Variants in LAMA4 observed in about 807,000 individuals in gnomAD.
LAMA4 encodes the protein laminin subunit alpha-4.
LAMA4 carries 127 observed loss-of-function variants against 207.1 expected under a neutral mutation model. The ratio of observed to expected loss-of-function variants is 0.61; its 90% confidence interval spans 0.53 to 0.71. The LOEUF (loss-of-function observed/expected upper bound fraction) is 0.71. Ranked by LOEUF, LAMA4 falls within the 30% of genes least tolerant of loss-of-function variation. The pLI, the probability that LAMA4 is intolerant of heterozygous loss-of-function variation, is 0.00. For missense variants in LAMA4, 2,093 were observed against 2,246.5 expected (o/e 0.93, Z 1.38); for synonymous variants, 761 against 816.0 (o/e 0.93, Z 1.15).
At chr6:112,134,421 CCAGTA>C in intron 26 of LAMA4, 41 bp downstream of exon 26, 2 of 1,605,266 alleles carry the variant, frequency 1.2e-6, no homozygotes, top group Non-Finnish European at 1.7e-6. Context: ...TGTTGCCAGC[CCAGTA>C]CATTGCTAGG....
intron 2 of LAMA4, among the ~76,000 whole-genome samples, chr6:112,242,745 T>A (rs1195235557): frequency 2.6e-5 from 4 of 152,218 alleles, no homozygotes; most frequent in Non-Finnish European, 5.9e-5. Context: ...TTCGAGACAG[T>A]TCCTTGAACA....
intron 26 of LAMA4, 34 bp from the exon 27 acceptor site, chr6:112,133,521 A>G (rs371957546): frequency 2.0e-5 from 32 of 1,611,888 alleles, no homozygotes; most frequent in Admixed American, 3.3e-5. Context: ...TGATACAGCC[A>G]TGATGATGAT....
At chr6:112,135,634 G>A (rs557936772) in intron 25 of LAMA4, among the ~76,000 whole-genome samples, 21 of 152,294 alleles carry the variant, frequency 1.4e-4, no homozygotes, top group African/African-American at 3.4e-4. Context: ...CAAAACTAAA[G>A]GGGATTCTTT....
chr6:112,134,611 T>C lies in LAMA4; in HGVS notation c.3415-2A>G. On this transcript the variant is annotated splice_acceptor_variant, in intron 25 of 38. Coordinates refer to ENST00000230538, the MANE Select transcript of LAMA4 (RefSeq NM_001105206.3). LOFTEE classifies it high-confidence loss of function. Reference sequence around the variant, plus strand: ...ATCATTGTGGTAAATGATTGAGATCTGGGAGAGATAATATATAGTAAGCCT... The same window carrying C: ...ATCATTGTGGTAAATGATTGAGATCCGGGAGAGATAATATATAGTAAGCCT... The C allele has an allele frequency of 6.2e-7, 1 of 1,602,664 alleles. No homozygotes were observed. The highest frequency in any genetic ancestry group is 8.5e-7 in the Non-Finnish European group (1 of 1,171,396).
chr6:112,187,425 T>A, intron 8 of LAMA4, 25 bp downstream of exon 8: 1 of 1,613,430 alleles, frequency 6.2e-7, no homozygotes, highest in Non-Finnish European at 8.5e-7. Flanking sequence ...GAAAACAGAG[T>A]GGAAAGTAGA....
intron 16 of LAMA4, chr6:112,154,618 G>A: frequency 1.8e-6 from 1 of 560,508 alleles, no homozygotes; most frequent in South Asian, 2.2e-5. Context: ...CACAGTATGT[G>A]AGATAGCTAT....
At position 112,120,392 on chromosome 6, in the gene LAMA4, A is replaced by G; in HGVS notation, c.4556T>C (p.Phe1519Ser). 6.2e-7 allele frequency: 1 copy of G among 1,614,032 alleles called. No homozygotes were observed. Among genetic ancestry groups the G allele is most frequent in the South Asian group, 1.1e-5 (1 of 91,082 alleles). The change falls in exon 33 of 39, where the codon TTC becomes TCC. Residue 1519 changes from phenylalanine to serine, a missense_variant. This residue lies in a region of LAMA4 where 383 missense variants were observed against 437.8 expected (regional missense o/e 0.87). Transcript: ENST00000230538. ...FYVSDQEENDFMTLFLAHGRL... is the reference protein window; with the variant it reads ...FYVSDQEENDSMTLFLAHGRL... ...GCCATGGGCCAAAAATAGAGTCATG[A>G]AGTCATTCTCTTCTTGATCTGAGAC...
rs782785789 is a variant in LAMA4, at chr6:112,254,201, C to T, written c.-51G>A. ...CTTCCAGGGCTCGGGCGCTGTGGGT[C>T]TCCGTAGGTCTCCCGCGTGGTGCGG... is the stretch of plus-strand genomic sequence containing the variant. On this transcript the variant is annotated 5_prime_UTR_variant, in exon 2 of 39. Transcript: ENST00000230538. 7 of 1,608,768 alleles carry T rather than the reference C, an allele frequency of 4.4e-6. No individual in the cohort carries two copies. The African/African-American group carries it at 5.3e-5, about 12-fold the overall frequency.
chr6:112,129,180 G>T, intron 30 of LAMA4, 105 bp from the exon 31 acceptor site: 1 of 521,076 alleles, frequency 1.9e-6, no homozygotes, highest in Admixed American at 3.1e-5. Context: ...ATGTGTGTGT[G>T]TGTGTGCATG....
chr6:112,223,912 G>C (rs1785055716), intron 2 of LAMA4, among the ~76,000 whole-genome samples: 1 of 152,188 alleles, frequency 6.6e-6, no homozygotes, highest in East Asian at 1.9e-4. Context: ...AAAACACAGA[G>C]GCTATTGGGT....
At chr6:112,124,736 G>T (rs1291200693) in intron 31 of LAMA4, among the ~76,000 whole-genome samples, 1 of 150,704 alleles carries the variant, frequency 6.6e-6, no homozygotes, top group African/African-American at 2.4e-5. Flanking sequence ...AGACAGCAAT[G>T]TGTTATAAGG....
At chr6:112,206,472 A>G (rs1002097541) in intron 4 of LAMA4, among the ~76,000 whole-genome samples, 3 of 152,034 alleles carry the variant, frequency 2.0e-5, no homozygotes, top group Non-Finnish European at 4.4e-5. Context: ...CATTATTTCC[A>G]TTAAAATGTA....
chr6:112,125,695 C>T (rs781886246), intron 31 of LAMA4, among the ~76,000 whole-genome samples: 9 of 152,094 alleles, frequency 5.9e-5, no homozygotes, highest in Non-Finnish European at 1.2e-4. Flanking sequence ...TAATTCTGCC[C>T]CTGGGAATCT....
At chr6:112,250,162 G>A (rs1337266978) in intron 2 of LAMA4, among the ~76,000 whole-genome samples, 1 of 152,202 alleles carries the variant, frequency 6.6e-6, no homozygotes, top group Non-Finnish European at 1.5e-5. Context: ...TGTTGGAACA[G>A]CAATGTAGAG....
At chr6:112,214,856 A>T (rs1784538596) in intron 3 of LAMA4, among the ~76,000 whole-genome samples, 1 of 152,228 alleles carries the variant, frequency 6.6e-6, no homozygotes, top group Non-Finnish European at 1.5e-5. Context: ...GATTGCTCCC[A>T]TTCTGACAAT....
chr6:112,254,122 A>G lies in LAMA4; in HGVS notation c.29T>C (p.Val10Ala), dbSNP rs1554190561. The change falls in exon 2 of 39, where the codon GTT becomes GCT. Residue 10 changes from valine to alanine, a missense_variant. This residue lies in a region of LAMA4 where 1,704 missense variants were observed against 1,788.4 expected (regional missense o/e 0.95). Transcript: ENST00000230538. ...GCTCCAGAGGAGCCACAGAGGCAGA[A>G]CCGAGCGCCAGGCTGAGCTCAAAGC... MALSSAWRS[V>A]LPLWLLWSAA... is the part of the protein sequence containing the mutation. The G allele has an allele frequency of 1.2e-6, 2 of 1,612,970 alleles. No individual in the cohort carries two copies. The highest frequency in any genetic ancestry group is 2.2e-5 in the South Asian group (2 of 90,992).
Position 112,154,859 on chromosome 6 carries a change from G to T in LAMA4, c.2048C>A (p.Ala683Glu), listed in dbSNP as rs782679699. ...LNQARELQAK[A>E]ESSSDEAVAD... ...AAAGTGAAGATATTTACTAGACTCT[G>T]CCTTTGCTTGCAGTTCTCTGGCTTG... Residue 683 changes from alanine to glutamate, a missense_variant, in exon 16 of 39, where the codon GCA (alanine) becomes GAA (glutamate). Ala to Glu is a moderately radical substitution (Grantham distance 107, BLOSUM62 -1). Transcript: ENST00000230538. 6.3e-7 allele frequency: 1 copy of T among 1,598,500 alleles called. No homozygotes were observed. The highest frequency in any genetic ancestry group is 1.7e-5 in the Admixed American group (1 of 60,006).
intron 3 of LAMA4, among the ~76,000 whole-genome samples, chr6:112,207,468 G>A (rs1784125042): frequency 1.3e-5 from 2 of 151,378 alleles, no homozygotes; most frequent in South Asian, 2.1e-4. Flanking sequence ...ATCAAACCCT[G>A]GATGTTCCAG....
At chr6:112,239,830 G>A (rs1786252661) in intron 2 of LAMA4, among the ~76,000 whole-genome samples, 3 of 152,082 alleles carry the variant, frequency 2.0e-5, no homozygotes, top group South Asian at 4.1e-4. Context: ...TTGGGAGGCC[G>A]AGGCGGGCGG....
Sources: gnomAD v4.1 joint callset for allele counts (sites outside exome capture counted in the v4.1 genomes callset) on GRCh38, gnomAD v4.1.1 for gene constraint, gnomAD v4.1.1 regional missense constraint, MANE v1.5 for transcripts, NCBI Gene and HGNC (gene_info 2026-07-23, HGNC 2026-07-21) for gene names.